MCTP1: variants seen among roughly 807,000 people sequenced by gnomAD.
The protein encoded by MCTP1 is multiple C2 and transmembrane domain containing 1.
Under a neutral mutation model 120.6 loss-of-function variants are expected in MCTP1, and 69 were observed. The ratio of observed to expected loss-of-function variants is 0.57; its 90% CI spans 0.47 to 0.70. MCTP1 has a LOEUF of 0.70. Ranked by LOEUF, MCTP1 falls within the 30% of genes least tolerant of loss-of-function variation. The pLI, the probability that MCTP1 is intolerant of heterozygous loss-of-function variation, is 0.00. For missense variants in MCTP1, 1,203 were observed against 1,248.8 expected (o/e 0.96, Z 0.55); for synonymous variants, 529 against 493.1 (o/e 1.07, Z -0.96).
In MCTP1 at chr5:94,957,020, G is replaced by C. The variant is rs181640959; in HGVS notation, c.839-3659C>G. Among the ~76,000 whole-genome samples, 155 of 152,284 alleles carry C rather than the reference G, an allele frequency of 1.0e-3. 1 individual carries two copies. The highest frequency in any genetic ancestry group is 2.9e-3 in the Admixed American group (45 of 15,298). On this transcript the variant is annotated intron_variant, in intron 2 of 22. Transcript: ENST00000515393. Reference sequence around the variant, plus strand: ...AATGTTAAGGGCAGCCAGAGAGAAAGGTCTGGCTACCCACAAAGGGAAGCC... The same window carrying C: ...AATGTTAAGGGCAGCCAGAGAGAAACGTCTGGCTACCCACAAAGGGAAGCC...
intron 2 of MCTP1, among the ~76,000 whole-genome samples, chr5:94,984,872 T>C (rs904630741): frequency 6.6e-6 from 1 of 152,192 alleles, no homozygotes; most frequent in East Asian, 1.9e-4. Context: ...TTTGACATTT[T>C]CTTTACTCAA....
At chr5:94,856,222 T>TA (rs1245273613) in intron 17 of MCTP1, among the ~76,000 whole-genome samples, 5 of 151,774 alleles carry the variant, frequency 3.3e-5, no homozygotes, top group African/African-American at 4.8e-5. Flanking sequence ...ATGCCTACTC[T>TA]AAAATTCTTC....
chr5:95,000,346 TA>T (rs935971508), intron 2 of MCTP1, among the ~76,000 whole-genome samples: 6 of 151,600 alleles, frequency 4.0e-5, no homozygotes, highest in East Asian at 1.9e-4. Context: ...TTCTATTTAT[TA>T]AAAAAAAAGT....
rs201538284 is a variant in MCTP1, at chr5:95,284,082, G to A, written c.494C>T (p.Ser165Phe). 1.1e-4 allele frequency: 164 copies of A among 1,550,566 alleles called. No individual in the cohort carries two copies. The highest frequency in any genetic ancestry group is 4.9e-4 in the African/African-American group (36 of 72,890). ...SAPSSSSASS[S>F]LSSSPQPPPR... ...GGGAGGCTGGGGCGAGGAGGACAGGGAGGATGAGGCGGAGGAAGAGGAAGG... is the reference window on the plus strand; with the variant it reads ...GGGAGGCTGGGGCGAGGAGGACAGGAAGGATGAGGCGGAGGAAGAGGAAGG... Residue 165 changes from serine to phenylalanine, a missense_variant, in exon 1 of 23, where the codon TCC becomes TTC. Physicochemically the swap from Ser to Phe is radical, Grantham distance 155 (BLOSUM62 -2). Around this residue, in one of 2 missense-constraint regions of MCTP1, gnomAD observed 463 missense variants for 377.8 expected, o/e 1.23. Coordinates refer to ENST00000515393, the MANE Select transcript of MCTP1 (RefSeq NM_024717.7). This position sits in a 1 kb window ranked among gnomAD's most constrained non-coding sequence, Gnocchi z 5.2.
At chr5:95,000,052 T>C (rs1833368911) in intron 2 of MCTP1, among the ~76,000 whole-genome samples, 1 of 152,146 alleles carries the variant, frequency 6.6e-6, no homozygotes. Flanking sequence ...TAATGACATT[T>C]TGGTCACCGA....
At chr5:95,020,905 T>C (rs370816191) in intron 1 of MCTP1, among the ~76,000 whole-genome samples, 10 of 152,068 alleles carry the variant, frequency 6.6e-5, no homozygotes, top group Admixed American at 6.6e-4. Flanking sequence ...GAAGTCCCCA[T>C]GATCTGCTTA....
intron 1 of MCTP1, among the ~76,000 whole-genome samples, chr5:95,194,909 C>A (rs768315621): frequency 9.2e-5 from 14 of 152,134 alleles, no homozygotes; most frequent in African/African-American, 3.4e-4. Flanking sequence ...AGAGAAAAGG[C>A]GAGACTTCAA....
intron 1 of MCTP1, among the ~76,000 whole-genome samples, chr5:95,031,851 C>G (rs1284403095): frequency 1.3e-5 from 2 of 152,096 alleles, no homozygotes; most frequent in African/African-American, 4.8e-5. Context: ...AAGAGCACAT[C>G]TCATGTGGAA....
At chr5:95,240,479 A>C (rs1001401126) in intron 1 of MCTP1, among the ~76,000 whole-genome samples, 2 of 152,214 alleles carry the variant, frequency 1.3e-5, no homozygotes, top group Non-Finnish European at 2.9e-5. Context: ...TGGGTGGAGC[A>C]GTGAGGCCAA....
At position 94,985,091 on chromosome 5, in the gene MCTP1, C is replaced by T. The variant is rs1830216900; in HGVS notation, c.839-31730G>A. The stretch of plus-strand genomic sequence containing the variant: ...CCTACTTATAAATCTCCAAGTCCTT[C>T]CAGCATCAGGGAGCAAGTACTCGAG... On this transcript the variant is annotated intron_variant, in intron 2 of 22. Coordinates refer to ENST00000515393, the MANE Select transcript of MCTP1 (RefSeq NM_024717.7). Among the ~76,000 whole-genome samples, 12 of 152,214 alleles carry T rather than the reference C, an allele frequency of 7.9e-5. No homozygotes were observed. In the South Asian group the frequency reaches 2.5e-3, roughly 32 times the overall value.
chr5:94,945,014 GA>G (rs1435805620), intron 3 of MCTP1, among the ~76,000 whole-genome samples: 5 of 152,040 alleles, frequency 3.3e-5, no homozygotes, highest in Non-Finnish European at 4.4e-5. Context: ...ATCCAAAGCT[GA>G]AAAAAACACA....
chr5:94,953,179 A>G, intron 3 of MCTP1, 40 bp downstream of exon 3: 1 of 1,542,756 alleles, frequency 6.5e-7, no homozygotes, highest in Non-Finnish European at 8.7e-7. Flanking sequence ...AGGGATTTCC[A>G]CATCAGTTTC....
chr5:94,901,716 A>G (rs563850192), intron 10 of MCTP1, among the ~76,000 whole-genome samples: 54 of 151,934 alleles, frequency 3.6e-4, no homozygotes, highest in African/African-American at 9.7e-4. Context: ...AAGGAGAAAA[A>G]TCTCAGTGTT....
chr5:95,235,033 A>T (rs577315823), intron 1 of MCTP1, among the ~76,000 whole-genome samples: 4 of 152,206 alleles, frequency 2.6e-5, no homozygotes, highest in South Asian at 4.1e-4. Context: ...AGAAAACTAT[A>T]GACCAATATA....
chr5:94,710,929 T>G lies in MCTP1; in HGVS notation c.2721-2A>C. 6.2e-7 allele frequency: 1 copy of G among 1,600,790 alleles called. No homozygotes were observed. The highest frequency in any genetic ancestry group is 8.6e-7 in the Non-Finnish European group (1 of 1,169,304). ...AATGGGACAGTCCAGTTGAAAGTAC[T>G]GAATGGAAAATTAACACATCAGCAA... On this transcript the variant is annotated splice_acceptor_variant, in intron 20 of 22. Coordinates refer to ENST00000515393, the MANE Select transcript of MCTP1 (RefSeq NM_024717.7). LOFTEE classifies it high-confidence loss of function.
intron 19 of MCTP1, chr5:94,739,552 C>T (rs1051119354): frequency 6.6e-6 from 1 of 152,182 alleles, no homozygotes; most frequent in Non-Finnish European, 1.5e-5. Flanking sequence ...CCAAGGAGTG[C>T]CCAAACCCAG....
intron 1 of MCTP1, among the ~76,000 whole-genome samples, chr5:95,068,623 T>G (rs1242211769): frequency 6.6e-6 from 1 of 152,208 alleles, no homozygotes; most frequent in Admixed American, 6.5e-5. Flanking sequence ...GGATCTGTTT[T>G]CTACTTAGTT....
At chr5:94,887,500 C>A (rs1393916970) in intron 12 of MCTP1, among the ~76,000 whole-genome samples, 2 of 152,018 alleles carry the variant, frequency 1.3e-5, no homozygotes, top group East Asian at 3.9e-4. Flanking sequence ...ATGGTACTTG[C>A]ATTTTTCTAA....
At chr5:95,252,313 C>G (rs1192052255) in intron 1 of MCTP1, among the ~76,000 whole-genome samples, 1 of 152,164 alleles carries the variant, frequency 6.6e-6, no homozygotes, top group Non-Finnish European at 1.5e-5. Flanking sequence ...TGAAGTTAGG[C>G]TGCTACCCTC....
Sources: gnomAD v4.1 joint callset for allele counts (sites outside exome capture counted in the v4.1 genomes callset) on GRCh38, gnomAD v4.1.1 for gene constraint, gnomAD v4.1.1 regional missense constraint, Gnocchi (gnomAD v3.1) non-coding constraint, MANE v1.5 for transcripts, NCBI Gene and HGNC (gene_info 2026-07-23, HGNC 2026-07-21) for gene names.